The following LRFN5 variants were observed in gnomAD, a reference collection of about 807,000 sequenced individuals.
The protein encoded by LRFN5 is leucine-rich repeat and fibronectin type-III domain-containing protein 5.
Under a neutral mutation model 45.6 loss-of-function variants are expected in LRFN5, and 24 were observed. That is an observed-to-expected ratio of 0.53 (90% CI 0.38 to 0.74). The LOEUF (loss-of-function observed/expected upper bound fraction) is 0.74, where lower values mean the gene tolerates loss of function less well. LRFN5 is among the 30% of genes least tolerant of loss of function. The probability of loss-of-function intolerance (pLI) is 0.00; values close to 1 mark genes in which losing one functional copy is unlikely to be tolerated. For synonymous variants in LRFN5, 340 were observed against 313.8 expected (o/e 1.08, Z -0.88); for missense variants, 776 against 861.5 (o/e 0.90, Z 1.24).
chr14:41,808,435 C>G (rs1297208412), intron 2 of LRFN5, among the ~76,000 whole-genome samples: 2 of 91,648 alleles, frequency 2.2e-5, no homozygotes, highest in Non-Finnish European at 4.3e-5. Flanking sequence ...AAGGAAGAAT[C>G]GAGGGAGGGA....
chr14:41,851,246 T>C (rs894477951), intron 2 of LRFN5, among the ~76,000 whole-genome samples: 2 of 150,860 alleles, frequency 1.3e-5, no homozygotes, highest in Non-Finnish European at 3.0e-5. Context: ...CATAAAACAA[T>C]GAAACTAGAA....
chr14:41,734,538 C>G (rs1431937047), intron 1 of LRFN5, among the ~76,000 whole-genome samples: 1 of 150,484 alleles, frequency 6.6e-6, no homozygotes, highest in Non-Finnish European at 1.5e-5. Context: ...TGTTTTCAGT[C>G]TCTGTGTGTG....
intron 1 of LRFN5, among the ~76,000 whole-genome samples, chr14:41,654,360 C>T (rs1880275596): frequency 6.6e-6 from 1 of 151,896 alleles, no homozygotes; most frequent in African/African-American, 2.4e-5. Context: ...GAGTTCCAGG[C>T]AAGAAGTCTG....
At chr14:41,650,236 T>TACAC (rs1555351105) in intron 1 of LRFN5, among the ~76,000 whole-genome samples, 59 of 128,202 alleles carry the variant, frequency 4.6e-4, no homozygotes, top group East Asian at 1.6e-3. Flanking sequence ...TCTACAAAAA[T>TACAC]ACACACACAC....
intron 2 of LRFN5, among the ~76,000 whole-genome samples, chr14:41,867,199 T>C (rs569423865): frequency 2.0e-5 from 3 of 152,228 alleles, no homozygotes; most frequent in Non-Finnish European, 4.4e-5. Flanking sequence ...GATTTAAATA[T>C]GTATATTTGG....
intron 2 of LRFN5, among the ~76,000 whole-genome samples, chr14:41,768,905 G>T (rs1053485329): frequency 2.0e-5 from 3 of 151,996 alleles, no homozygotes; most frequent in African/African-American, 7.2e-5. Context: ...AATTAACCTG[G>T]AAATAAAAGG....
At chr14:41,759,448 TACACACACA>T (rs1369485223) in intron 1 of LRFN5, among the ~76,000 whole-genome samples, 4 of 109,644 alleles carry the variant, frequency 3.6e-5, no homozygotes, top group Admixed American at 2.0e-4. Context: ...TCTCTCTCTC[TACACACACA>T]CACACACACA....
rs534508167 is a variant in LRFN5, at chr14:41,709,574, A to T, written c.-196-57280A>T. 2.0e-5 allele frequency among the ~76,000 whole-genome samples: 3 copies of T among 152,092 alleles called. No individual in the cohort carries two copies. In the East Asian group the frequency reaches 5.8e-4, roughly 29 times the overall value. ...AAGCCTATTGAATATCTTACCTGCC[A>T]GTCCTTTTTATAGCATTAACTGTGG... On this transcript the variant is annotated intron_variant, in intron 1 of 5. Transcript: ENST00000298119.
chr14:41,692,585 G>C (rs894669773), intron 1 of LRFN5, among the ~76,000 whole-genome samples: 2 of 151,832 alleles, frequency 1.3e-5, no homozygotes, highest in Admixed American at 6.6e-5. Context: ...ACCACAACAG[G>C]CCCCAGTGTG....
intron 2 of LRFN5, among the ~76,000 whole-genome samples, chr14:41,770,930 T>G (rs1243536397): frequency 6.6e-6 from 1 of 151,926 alleles, no homozygotes; most frequent in African/African-American, 2.4e-5. Flanking sequence ...AAGCTTCTGC[T>G]TGGGCACCCA....
At chr14:41,801,269 A>G (rs901831234) in intron 2 of LRFN5, among the ~76,000 whole-genome samples, 1 of 152,136 alleles carries the variant, frequency 6.6e-6, no homozygotes, top group Admixed American at 6.6e-5. Context: ...AACTGTTATG[A>G]GGATTAAGTA....
intron 1 of LRFN5, among the ~76,000 whole-genome samples, chr14:41,743,230 G>A (rs1459740880): frequency 6.6e-6 from 1 of 152,088 alleles, no homozygotes; most frequent in Non-Finnish European, 1.5e-5. Context: ...GCCATTCCTG[G>A]TCACAGAAAA....
At chr14:41,678,545 A>C (rs1881742732) in intron 1 of LRFN5, among the ~76,000 whole-genome samples, 1 of 152,168 alleles carries the variant, frequency 6.6e-6, no homozygotes, top group African/African-American at 2.4e-5. Flanking sequence ...CACTACACCT[A>C]ACAGACATTT....
At chr14:41,876,490 G>C (rs938446135) in intron 2 of LRFN5, among the ~76,000 whole-genome samples, 2 of 149,982 alleles carry the variant, frequency 1.3e-5, no homozygotes, top group African/African-American at 4.9e-5. Context: ...TAGAGATGGG[G>C]TTTCTCCGTG....
intron 1 of LRFN5, among the ~76,000 whole-genome samples, chr14:41,650,354 A>G (rs1490013711): frequency 6.6e-6 from 1 of 152,156 alleles, no homozygotes; most frequent in East Asian, 1.9e-4. Context: ...TATTAAAAAG[A>G]CCAATGAGGA....
intron 2 of LRFN5, among the ~76,000 whole-genome samples, chr14:41,834,574 A>G (rs939100075): frequency 6.6e-6 from 1 of 152,194 alleles, no homozygotes; most frequent in Non-Finnish European, 1.5e-5. Context: ...TACACTCTCT[A>G]TATCTTCATC....
In LRFN5 at chr14:41,638,589, G is replaced by T. The variant is rs142558466; in HGVS notation, c.-197+30027G>T. ...AACTGATTTACCAGGTTTCTAGCTT[G>T]TAACTCTCCTAGTATTGTATATTGA... is the stretch of plus-strand genomic sequence containing the variant. On this transcript the variant is annotated intron_variant, in intron 1 of 5. Transcript: ENST00000298119. 2.4e-3 allele frequency among the ~76,000 whole-genome samples: 359 copies of T among 152,204 alleles called. 1 individual carries two copies. Among genetic ancestry groups the T allele is most frequent in the African/African-American group, 8.2e-3 (340 of 41,540 alleles).
intron 2 of LRFN5, among the ~76,000 whole-genome samples, chr14:41,813,112 T>C (rs1887792010): frequency 6.7e-6 from 1 of 149,450 alleles, no homozygotes; most frequent in African/African-American, 2.5e-5. Flanking sequence ...TGACTGTGAA[T>C]ACTAAACTAC....
intron 2 of LRFN5, among the ~76,000 whole-genome samples, chr14:41,851,792 G>A (rs1286658896): frequency 2.6e-5 from 4 of 151,760 alleles, no homozygotes; most frequent in Non-Finnish European, 5.9e-5. Context: ...GCATGTTTCA[G>A]TCTAAGCATT....
Sources: gnomAD v4.1 joint callset for allele counts (sites outside exome capture counted in the v4.1 genomes callset) on GRCh38, gnomAD v4.1.1 for gene constraint, MANE v1.5 for transcripts, NCBI Gene and HGNC (gene_info 2026-07-23, HGNC 2026-07-21) for gene names.